The following XKR6 variants were observed in gnomAD, a reference collection of about 807,000 sequenced individuals.
XKR6 encodes the protein XK-related protein 6.
XKR6 carries 22 observed loss-of-function variants against 56.7 expected under a neutral mutation model. The observed-to-expected ratio is 0.39, with a 90% CI of 0.28 to 0.55. The LOEUF (loss-of-function observed/expected upper bound fraction) is 0.55, where lower values mean the gene tolerates loss of function less well. XKR6 is among the 20% of genes least tolerant of loss of function. The pLI is 0.66. For synonymous variants in XKR6, 524 were observed against 387.8 expected (o/e 1.35, Z -4.13); for missense variants, 852 against 889.0 (o/e 0.96, Z 0.53).
intron 1 of XKR6, among the ~76,000 whole-genome samples, chr8:11,177,926 G>A (rs1388724079): frequency 6.6e-6 from 1 of 152,178 alleles, no homozygotes; most frequent in Non-Finnish European, 1.5e-5. Flanking sequence ...CTAATGTCCT[G>A]CTCCACCTAA....
chr8:11,018,333 A>G (rs1045046100), intron 1 of XKR6, among the ~76,000 whole-genome samples: 4 of 152,214 alleles, frequency 2.6e-5, no homozygotes, highest in Admixed American at 2.0e-4. Flanking sequence ...CCTGAGATGA[A>G]TGCTGTGCAC....
intron 1 of XKR6, among the ~76,000 whole-genome samples, chr8:11,121,946 T>C (rs1444504623): frequency 1.3e-5 from 2 of 152,194 alleles, no homozygotes; most frequent in Admixed American, 6.5e-5. Context: ...CAAAAAACCA[T>C]ATACCACATG....
rs191462433 is a variant in XKR6 at position 10,897,751 on chromosome 8, C to A, written c.*201G>T. The A allele has an allele frequency of 1.8e-6, 1 of 560,074 alleles. No individual in the cohort carries two copies. Among genetic ancestry groups the A allele is most frequent in the African/African-American group, 1.9e-5 (1 of 52,716 alleles). 34.7% of individuals were successfully genotyped at this position (560,074 alleles called of 1,614,324 possible). On this transcript the variant is annotated 3_prime_UTR_variant, in exon 3 of 3. Transcript: ENST00000416569. Reference sequence around the variant, plus strand: ...CATAGAGAATATCTTTGTATACATACAGCGACTGGAAAGAAAGCTTATTTG... The same window carrying A: ...CATAGAGAATATCTTTGTATACATAAAGCGACTGGAAAGAAAGCTTATTTG...
At chr8:11,091,454 A>G (rs1304478676) in intron 1 of XKR6, among the ~76,000 whole-genome samples, 2 of 151,774 alleles carry the variant, frequency 1.3e-5, no homozygotes, top group Non-Finnish European at 2.9e-5. Flanking sequence ...TAAATAAATA[A>G]ATAGATAGAT....
intron 2 of XKR6, among the ~76,000 whole-genome samples, chr8:10,915,858 C>T (rs960325991): frequency 7.2e-5 from 11 of 152,224 alleles, no homozygotes; most frequent in African/African-American, 2.7e-4. Flanking sequence ...TAGGTCTGTG[C>T]TGCGTCTCTC....
chr8:11,155,757 C>T (rs1801488817), intron 1 of XKR6, among the ~76,000 whole-genome samples: 1 of 152,178 alleles, frequency 6.6e-6, no homozygotes, highest in Non-Finnish European at 1.5e-5. Context: ...TCTATTTTTC[C>T]ACTTTGTCCC....
chr8:11,057,555 C>A (rs1799716494), intron 1 of XKR6, among the ~76,000 whole-genome samples: 3 of 152,246 alleles, frequency 2.0e-5, no homozygotes, highest in African/African-American at 7.2e-5. Flanking sequence ...TCATTTCACA[C>A]ATGTGAGGCA....
intron 1 of XKR6, among the ~76,000 whole-genome samples, chr8:11,064,270 A>ACCTCTCTT (rs1799922038): frequency 6.6e-6 from 1 of 152,206 alleles, no homozygotes; most frequent in African/African-American, 2.4e-5. Context: ...GCTAGGAAAG[A>ACCTCTCTT]GAGGCTAAAG....
chr8:10,986,507 G>A (rs915965075), intron 1 of XKR6, among the ~76,000 whole-genome samples: 17 of 152,106 alleles, frequency 1.1e-4, no homozygotes, highest in African/African-American at 4.1e-4. Flanking sequence ...AAAGTTTAAT[G>A]AGAATTTTTT....
chr8:11,177,264 C>G (rs1164472563), intron 1 of XKR6, among the ~76,000 whole-genome samples: 1 of 152,162 alleles, frequency 6.6e-6, no homozygotes, highest in African/African-American at 2.4e-5. Context: ...TGTAGATTTG[C>G]CAACATTATG....
intron 2 of XKR6, among the ~76,000 whole-genome samples, chr8:10,923,294 G>C (rs144163550): frequency 7.2e-5 from 11 of 152,326 alleles, no homozygotes; most frequent in African/African-American, 2.6e-4. Flanking sequence ...TGATGGACCA[G>C]CAGGACTGCA....
intron 1 of XKR6, among the ~76,000 whole-genome samples, chr8:11,010,186 C>T (rs953807359): frequency 2.6e-5 from 4 of 152,128 alleles, no homozygotes; most frequent in Non-Finnish European, 5.9e-5. Context: ...GCAGGAGGTG[C>T]TACACACTTT....
intron 1 of XKR6, among the ~76,000 whole-genome samples, chr8:11,118,827 T>G (rs1183283768): frequency 6.6e-6 from 1 of 152,224 alleles, no homozygotes; most frequent in African/African-American, 2.4e-5. Flanking sequence ...GCCCTGATCT[T>G]AGTTATTTCT....
intron 1 of XKR6, among the ~76,000 whole-genome samples, chr8:10,945,574 G>T (rs1422941516): frequency 6.6e-6 from 1 of 152,166 alleles, no homozygotes; most frequent in Non-Finnish European, 1.5e-5. Flanking sequence ...CCCCATCTAA[G>T]CTCCCAGAAG....
At chr8:10,943,820 C>A (rs1361622948) in intron 1 of XKR6, among the ~76,000 whole-genome samples, 1 of 152,134 alleles carries the variant, frequency 6.6e-6, no homozygotes, top group Admixed American at 6.5e-5. Context: ...CATTCCCTCC[C>A]CTTCTCATTC....
At chr8:10,976,498 C>T (rs553742681) in intron 1 of XKR6, among the ~76,000 whole-genome samples, 14 of 152,040 alleles carry the variant, frequency 9.2e-5, no homozygotes, top group Non-Finnish European at 1.6e-4. Flanking sequence ...TCCCTCTGCG[C>T]CCCCCGGGTG....
intron 1 of XKR6, among the ~76,000 whole-genome samples, chr8:10,998,193 A>T (rs1798158062): frequency 6.6e-6 from 1 of 152,120 alleles, no homozygotes; most frequent in African/African-American, 2.4e-5. Flanking sequence ...TCCCACTGAG[A>T]CAGCTAGCCT....
chr8:11,016,549 C>A (rs1798627881), intron 1 of XKR6, among the ~76,000 whole-genome samples: 1 of 152,224 alleles, frequency 6.6e-6, no homozygotes, highest in Admixed American at 6.5e-5. Context: ...TGCCTGGCTG[C>A]CACCCGGAAG....
chr8:11,081,145 G>A (rs181276438), intron 1 of XKR6, among the ~76,000 whole-genome samples: 1 of 152,258 alleles, frequency 6.6e-6, no homozygotes, highest in Non-Finnish European at 1.5e-5. Flanking sequence ...TGCTAAAGCC[G>A]GATTCTGAGA....
Sources: gnomAD v4.1 joint callset for allele counts (sites outside exome capture counted in the v4.1 genomes callset) on GRCh38, gnomAD v4.1.1 for gene constraint, MANE v1.5 for transcripts, NCBI Gene and HGNC (gene_info 2026-07-23, HGNC 2026-07-21) for gene names.